The following NXPE2 variants were observed in gnomAD, a reference collection of about 807,000 sequenced individuals.
NXPE2 encodes the protein neurexophilin and PC-esterase domain family member 2.
A neutral mutation model predicts 34.4 loss-of-function variants in NXPE2; 34 were observed. That is an observed-to-expected ratio of 0.99 (90% CI 0.75 to 1.31). NXPE2 has a LOEUF of 1.31. Ranked by LOEUF, NXPE2 falls within the 40% of genes most tolerant of loss-of-function variation. The probability of loss-of-function intolerance (pLI) is 0.00; values close to 1 mark genes in which losing one functional copy is unlikely to be tolerated. For missense variants in NXPE2, 649 were observed against 672.5 expected (o/e 0.97, Z 0.39); for synonymous variants, 235 against 231.3 (o/e 1.02, Z -0.15).
rs746326061 is a variant in NXPE2, at chr11:114,705,794, A to G, written c.942A>G (p.Ile314Met). The change falls in exon 5 of 6, where the codon ATA becomes ATG. Residue 314 changes from isoleucine to methionine, a missense_variant. Coordinates refer to ENST00000389586, the MANE Select transcript of NXPE2 (RefSeq NM_182495.6). Reference protein sequence around the residue: ...EVIPCNKSENIKKNCQIGMKT... With the variant: ...EVIPCNKSENMKKNCQIGMKT... ...TTGTATTGCCAGAGAGCGAGAACAT[A>G]AAAAAGAACTGCCAGATTGGAATGA... 3 of 1,471,800 alleles carry G rather than the reference A, an allele frequency of 2.0e-6. No individual in the cohort carries two copies. Among genetic ancestry groups the G allele is most frequent in the Non-Finnish European group, 2.7e-6 (3 of 1,110,502 alleles). 91.2% of individuals were successfully genotyped at this position (1,471,800 alleles called of 1,614,324 possible).
chr11:114,805,850 G>T, the NXPE2 span, among the ~76,000 whole-genome samples: 2 of 152,204 alleles, frequency 1.3e-5, no homozygotes, highest in African/African-American at 2.4e-5. Context: ...GAGAGTAGTG[G>T]TTCTCCCAGC....
chr11:114,644,242 T>TTA, the NXPE2 span, among the ~76,000 whole-genome samples: 1 of 152,286 alleles, frequency 6.6e-6, no homozygotes, highest in African/African-American at 2.4e-5. Context: ...TCGAATACCT[T>TTA]TATTTCTTTC....
At chr11:114,639,156 C>G in the NXPE2 span, among the ~76,000 whole-genome samples, 1 of 152,064 alleles carries the variant, frequency 6.6e-6, no homozygotes, top group Non-Finnish European at 1.5e-5. Context: ...TTTACCTAAG[C>G]AAGCCTGGGC....
At chr11:114,713,716 C>G in the NXPE2 span, among the ~76,000 whole-genome samples, 1 of 152,160 alleles carries the variant, frequency 6.6e-6, no homozygotes, top group Non-Finnish European at 1.5e-5. Context: ...GATACTGAAT[C>G]AACGTTAGGA....
At chr11:114,522,056 A>G in the NXPE2 span, 1 of 1,613,604 alleles carries the variant, frequency 6.2e-7, no homozygotes, top group Non-Finnish European at 8.5e-7. Flanking sequence ...TGCAATGGTC[A>G]TGTCCCAGGC....
At chr11:114,719,186 C>G in the NXPE2 span, among the ~76,000 whole-genome samples, 1 of 152,028 alleles carries the variant, frequency 6.6e-6, no homozygotes, top group Non-Finnish European at 1.5e-5. Flanking sequence ...GTCAGTGTAT[C>G]TTTACTGCCA....
chr11:114,736,832 T>C, the NXPE2 span, among the ~76,000 whole-genome samples: 15 of 152,336 alleles, frequency 9.8e-5, no homozygotes, highest in South Asian at 2.9e-3. Context: ...TAAATGTCCA[T>C]GAAATCTTCA....
At chr11:114,662,896 A>G in the NXPE2 span, among the ~76,000 whole-genome samples, 2 of 152,190 alleles carry the variant, frequency 1.3e-5, no homozygotes, top group South Asian at 4.1e-4. Context: ...ACCGGCAGCA[A>G]TACCCAGGTA....
chr11:114,641,369 T>C, the NXPE2 span, among the ~76,000 whole-genome samples: 4 of 152,158 alleles, frequency 2.6e-5, no homozygotes, highest in African/African-American at 9.6e-5. Context: ...AAAAATAGAC[T>C]ACATACTGAG....
chr11:114,750,564 T>A, the NXPE2 span, among the ~76,000 whole-genome samples: 1 of 152,228 alleles, frequency 6.6e-6, no homozygotes, highest in Non-Finnish European at 1.5e-5. Flanking sequence ...CATTTCTGCT[T>A]TCAAACTGGG....
chr11:114,469,328 T>G, the NXPE2 span, among the ~76,000 whole-genome samples: 4 of 151,602 alleles, frequency 2.6e-5, no homozygotes, highest in Non-Finnish European at 5.9e-5. Flanking sequence ...TTAGCCAGGA[T>G]GGTCTCGATC....
chr11:114,549,303 A>G, the NXPE2 span, among the ~76,000 whole-genome samples: 1 of 152,064 alleles, frequency 6.6e-6, no homozygotes, highest in Non-Finnish European at 1.5e-5. Flanking sequence ...CCAAAACCTA[A>G]TATTGTACCA....
the NXPE2 span, among the ~76,000 whole-genome samples, chr11:114,537,832 G>A: frequency 0.23 from 35,095 of 150,726 alleles, 5,898 homozygotes; most frequent in African/African-American, 0.47. Flanking sequence ...GGAAGAATCA[G>A]TATCATGAAA....
At chr11:114,552,440 G>A in the NXPE2 span, among the ~76,000 whole-genome samples, 1 of 152,144 alleles carries the variant, frequency 6.6e-6, no homozygotes, top group Non-Finnish European at 1.5e-5. Context: ...CATGTCCAGT[G>A]TCTAGCATGG....
the NXPE2 span, among the ~76,000 whole-genome samples, chr11:114,758,853 A>G: frequency 8.7e-5 from 13 of 148,760 alleles, no homozygotes; most frequent in East Asian, 3.9e-4. Flanking sequence ...ACATAAATAT[A>G]TAACACATTT....
At chr11:114,752,477 A>G in the NXPE2 span, among the ~76,000 whole-genome samples, 5 of 152,194 alleles carry the variant, frequency 3.3e-5, no homozygotes. Flanking sequence ...AACAACAGAG[A>G]GTAGGAGAGC....
At chr11:114,577,523 C>A in the NXPE2 span, among the ~76,000 whole-genome samples, 3 of 152,026 alleles carry the variant, frequency 2.0e-5, no homozygotes, top group African/African-American at 7.2e-5. Context: ...AACCAAACAC[C>A]ACCGGTTCCC....
the NXPE2 span, among the ~76,000 whole-genome samples, chr11:114,618,025 T>G: frequency 1.3e-5 from 2 of 152,034 alleles, no homozygotes; most frequent in Non-Finnish European, 2.9e-5. Flanking sequence ...GGATAATAAG[T>G]GTTGCCTCGT....
At chr11:114,678,117 C>T (rs541207983), upstream of NXPE2, among the ~76,000 whole-genome samples, 2 of 152,032 alleles carry the variant, frequency 1.3e-5, no homozygotes, top group Non-Finnish European at 2.9e-5. Context: ...ATTGAGAGGA[C>T]CCAGCTGAAT....
Sources: gnomAD v4.1 joint callset for allele counts (sites outside exome capture counted in the v4.1 genomes callset) on GRCh38, gnomAD v4.1.1 for gene constraint, MANE v1.5 for transcripts, NCBI Gene and HGNC (gene_info 2026-07-23, HGNC 2026-07-21) for gene names.